Variants in XYLT1 observed in about 807,000 individuals in gnomAD.
XYLT1 encodes beta-D-xylosyltransferase 1.
In XYLT1, 36 loss-of-function variants were observed where a neutral mutation model predicts 91.3. The ratio of observed to expected loss-of-function variants is 0.39; its 90% confidence interval spans 0.30 to 0.52. The LOEUF (loss-of-function observed/expected upper bound fraction) is 0.52. Among genes scored for constraint, XYLT1 ranks in the 20% least tolerant of loss-of-function variants. The pLI, the probability that XYLT1 is intolerant of heterozygous loss-of-function variation, is 0.68. For synonymous variants in XYLT1, 588 were observed against 532.0 expected (o/e 1.11, Z -1.45); for missense variants, 1,242 against 1,284.5 (o/e 0.97, Z 0.51).
At chr16:17,244,293 G>A (rs2033398849) in intron 3 of XYLT1, among the ~76,000 whole-genome samples, 1 of 152,088 alleles carries the variant, frequency 6.6e-6, no homozygotes, top group Non-Finnish European at 1.5e-5. Context: ...GCCAACACAA[G>A]CCCAAGTGTG....
chr16:17,251,474 G>A (rs1402173431), intron 3 of XYLT1: 1 of 152,198 alleles, frequency 6.6e-6, no homozygotes, highest in African/African-American at 2.4e-5. Flanking sequence ...TGTCTAGACT[G>A]CAGACCCACA....
intron 3 of XYLT1, among the ~76,000 whole-genome samples, chr16:17,238,195 T>C (rs531047765): frequency 6.6e-6 from 1 of 152,342 alleles, no homozygotes; most frequent in East Asian, 1.9e-4. Flanking sequence ...CCATTAATCC[T>C]TTTTGAAGAC....
At chr16:17,173,812 C>A (rs1364583196) in intron 5 of XYLT1, among the ~76,000 whole-genome samples, 4 of 152,218 alleles carry the variant, frequency 2.6e-5, no homozygotes, top group Admixed American at 1.3e-4. Context: ...CCTTGCGGTA[C>A]CACCTTGCAG....
chr16:17,304,166 AG>A (rs1426549698), intron 2 of XYLT1, among the ~76,000 whole-genome samples: 1 of 152,168 alleles, frequency 6.6e-6, no homozygotes, highest in East Asian at 1.9e-4. Flanking sequence ...ATCGTGGTGA[AG>A]GGAAAAAAAA....
At chr16:17,265,539 T>C (rs987269916) in intron 2 of XYLT1, among the ~76,000 whole-genome samples, 2 of 152,230 alleles carry the variant, frequency 1.3e-5, no homozygotes, top group African/African-American at 2.4e-5. Flanking sequence ...AAACTCTAAT[T>C]GCTCTGCTGT....
intron 1 of XYLT1, among the ~76,000 whole-genome samples, chr16:17,402,792 G>T (rs1233497906): frequency 1.3e-5 from 2 of 149,882 alleles, no homozygotes; most frequent in African/African-American, 4.9e-5. Context: ...ACCCAGGCTG[G>T]AGTGCAGTGG....
intron 6 of XYLT1, among the ~76,000 whole-genome samples, chr16:17,147,584 C>T (rs530805370): frequency 1.5e-4 from 23 of 152,208 alleles, no homozygotes; most frequent in South Asian, 1.2e-3. Flanking sequence ...ATGCTGCAAA[C>T]GCATGCTTTG....
chr16:17,231,373 G>A (rs999265261), intron 3 of XYLT1, among the ~76,000 whole-genome samples: 1 of 152,184 alleles, frequency 6.6e-6, no homozygotes, highest in African/African-American at 2.4e-5. Context: ...GCAGTGGGGG[G>A]CAGTGGGGTG....
chr16:17,235,299 T>G (rs1158560164), intron 3 of XYLT1, among the ~76,000 whole-genome samples: 1 of 137,220 alleles, frequency 7.3e-6, no homozygotes, highest in Non-Finnish European at 1.5e-5. Flanking sequence ...CAAATCATCA[T>G]CATTATCATC....
At chr16:17,109,384 T>C (rs1966823255) in intron 11 of XYLT1, among the ~76,000 whole-genome samples, 1 of 152,174 alleles carries the variant, frequency 6.6e-6, no homozygotes, top group South Asian at 2.1e-4. Context: ...CACTGTCTCA[T>C]TTGATAAAGA....
At chr16:17,150,825 A>C (rs2031264441) in intron 6 of XYLT1, among the ~76,000 whole-genome samples, 1 of 152,230 alleles carries the variant, frequency 6.6e-6, no homozygotes, top group South Asian at 2.1e-4. Context: ...GGACTTAATT[A>C]GTGGAGATCA....
Position 17,275,887 on chromosome 16 carries a change from TG to T in XYLT1, c.403-16390del, listed in dbSNP as rs2033965340. ...ACACCCTGCCACAGTGGGTAATGAATGGTTCACTTGTAAGCTCATTACCGCA... is the reference window on the plus strand; with the variant it reads ...ACACCCTGCCACAGTGGGTAATGAATGTTCACTTGTAAGCTCATTACCGCA... On this transcript the variant is annotated intron_variant, in intron 2 of 11. Transcript: ENST00000261381. 2.0e-5 allele frequency among the ~76,000 whole-genome samples: 3 copies of T among 152,292 alleles called. No individual in the cohort carries two copies. In the South Asian group the frequency reaches 6.2e-4, roughly 32 times the overall value.
At chr16:17,308,407 G>C (rs1309332472) in intron 2 of XYLT1, among the ~76,000 whole-genome samples, 2 of 152,206 alleles carry the variant, frequency 1.3e-5, no homozygotes, top group East Asian at 3.9e-4. Context: ...TCCAACACCA[G>C]GCACAGGACA....
At chr16:17,308,748 T>G (rs187376569) in intron 2 of XYLT1, among the ~76,000 whole-genome samples, 2 of 152,262 alleles carry the variant, frequency 1.3e-5, no homozygotes, top group East Asian at 3.9e-4. Flanking sequence ...AGAGTTGCTA[T>G]GAAGATTAGA....
intron 2 of XYLT1, among the ~76,000 whole-genome samples, chr16:17,316,081 AC>A (rs2034626901): frequency 6.6e-6 from 1 of 152,256 alleles, no homozygotes; most frequent in African/African-American, 2.4e-5. Flanking sequence ...CACTGCCTCC[AC>A]CTTTCACCAC....
intron 3 of XYLT1, among the ~76,000 whole-genome samples, chr16:17,246,455 T>C (rs1056187517): frequency 1.3e-5 from 2 of 152,198 alleles, no homozygotes; most frequent in African/African-American, 2.4e-5. Flanking sequence ...TTAACACATC[T>C]GGTTCCACAT....
chr16:17,138,552 C>T (rs2030853641), intron 7 of XYLT1, 21 bp from the exon 8 acceptor site: 1 of 1,608,212 alleles, frequency 6.2e-7, no homozygotes, highest in East Asian at 2.2e-5. Flanking sequence ...GAGAGGGACC[C>T]AGCCTGAGAC....
chr16:17,337,212 G>A (rs372354604), intron 2 of XYLT1, among the ~76,000 whole-genome samples: 11 of 152,220 alleles, frequency 7.2e-5, no homozygotes, highest in East Asian at 5.8e-4. Flanking sequence ...CTTTGAGACA[G>A]GGTCTTACTC....
rs73523020 is a variant in XYLT1, at chr16:17,338,163, C to A, written c.402+19849G>T. On this transcript the variant is annotated intron_variant, in intron 2 of 11. Transcript: ENST00000261381. ...AGGCCTTTATCATAACTCCCCTGAA[C>A]TGAATGTCCCCTTTTCTGATTCCTT... 5.9e-3 allele frequency: 2,685 copies of A among 456,458 alleles called. 43 individuals carry two copies. Among genetic ancestry groups the A allele is most frequent in the African/African-American group, 0.043 (2,158 of 50,188 alleles). The allele number at this position is 456,458 out of a possible 1,614,324, so 28.3% of individuals were successfully genotyped here.
Sources: gnomAD v4.1 joint callset for allele counts (sites outside exome capture counted in the v4.1 genomes callset) on GRCh38, gnomAD v4.1.1 for gene constraint, MANE v1.5 for transcripts, NCBI Gene and HGNC (gene_info 2026-07-23, HGNC 2026-07-21) for gene names.